Variants in SOCS5 observed in about 807,000 individuals in gnomAD.
SOCS5 encodes CIS-6.
A neutral mutation model predicts 42.8 loss-of-function variants in SOCS5; 32 were observed. That is an observed-to-expected ratio of 0.75 (90% CI 0.56 to 1.01). The LOEUF (loss-of-function observed/expected upper bound fraction) is 1.01, where lower values mean the gene tolerates loss of function less well. Ranked by LOEUF, SOCS5 falls within the 50% of genes least tolerant of loss-of-function variation. The pLI, the probability that SOCS5 is intolerant of heterozygous loss-of-function variation, is 0.00. For missense variants in SOCS5, 627 were observed against 653.0 expected, an observed-to-expected ratio of 0.96 and a Z score of 0.43; for synonymous variants, 283 against 229.6, an observed-to-expected ratio of 1.23 and a Z score of -2.10.
intron 1 of SOCS5, among the ~76,000 whole-genome samples, chr2:46,727,929 G>T (rs1409978205): frequency 6.7e-6 from 1 of 149,610 alleles, no homozygotes; most frequent in African/African-American, 2.5e-5. Flanking sequence ...AGTGGTAGGA[G>T]TACAGAGAGG....
chr2:46,717,068 A>C (rs1165951311), intron 1 of SOCS5, among the ~76,000 whole-genome samples: 1 of 152,190 alleles, frequency 6.6e-6, no homozygotes, highest in Non-Finnish European at 1.5e-5. Context: ...TCATGGAGTT[A>C]CACACCACAT....
intron 1 of SOCS5, among the ~76,000 whole-genome samples, chr2:46,720,944 A>C (rs1217285411): frequency 6.6e-6 from 1 of 152,128 alleles, no homozygotes; most frequent in Non-Finnish European, 1.5e-5. Context: ...TGCTGTCCCG[A>C]GGTGCAGACA....
At position 46,758,795 on chromosome 2, in the gene SOCS5, A is replaced by G; in HGVS notation, c.265A>G (p.Ile89Val). 2 of 1,614,206 alleles carry G rather than the reference A, an allele frequency of 1.2e-6. No homozygotes were observed. The highest frequency in any genetic ancestry group is 1.7e-6 in the Non-Finnish European group (2 of 1,180,018). The change falls in exon 2 of 2, where the codon ATT becomes GTT. Residue 89 changes from isoleucine to valine, a missense_variant. Around this residue, in one of 3 missense-constraint regions of SOCS5, gnomAD observed 278 missense variants for 246.3 expected, o/e 1.13. Coordinates refer to ENST00000394861, the MANE Select transcript of SOCS5 (RefSeq NM_144949.3). ...NQNCATEIPQ[I>V]VEISIEKDND... ...AAATTGTGCCACAGAAATCCCTCAA[A>G]TTGTTGAAATAAGCATCGAAAAGGA...
In SOCS5 at chr2:46,760,378, G is replaced by A. The variant is rs1284409460; in HGVS notation, c.*237G>A. ...ACTACAAAAACATTTTGCCTATTTC[G>A]CTAACAGTTTGGTTTTTAATGGCTG... is the stretch of plus-strand genomic sequence containing the variant. On this transcript the variant is annotated 3_prime_UTR_variant, in exon 2 of 2. Transcript: ENST00000394861. 9.3e-6 allele frequency: 4 copies of A among 429,722 alleles called. No individual in the cohort carries two copies. The highest frequency in any genetic ancestry group is 8.1e-5 in the African/African-American group (4 of 49,430). The allele number at this position is 429,722 out of a possible 1,614,324, so 26.6% of individuals were successfully genotyped here. A position where few individuals can be genotyped will look rare whatever the true frequency, so the allele number is the denominator to read the frequency against.
At chr2:46,726,976 G>A (rs141213365) in intron 1 of SOCS5, among the ~76,000 whole-genome samples, 16 of 151,666 alleles carry the variant, frequency 1.1e-4, no homozygotes, top group Non-Finnish European at 1.8e-4. Context: ...GGCTGGTCTC[G>A]AACTCCCGAT....
rs895002960 is a variant in SOCS5 at position 46,699,936 on chromosome 2, C to T, written c.-13+487C>T. On this transcript the variant is annotated intron_variant, in intron 1 of 1. Coordinates refer to ENST00000394861, the MANE Select transcript of SOCS5 (RefSeq NM_144949.3). This position sits in a 1 kb window ranked among gnomAD's most constrained non-coding sequence, Gnocchi z 4.8. ...TCTTCAAGGTCGAGGAGAAAAGATCCTCTTGGGGATGAGGGAGGGAACCAA... is the reference window on the plus strand; with the variant it reads ...TCTTCAAGGTCGAGGAGAAAAGATCTTCTTGGGGATGAGGGAGGGAACCAA... Among the ~76,000 whole-genome samples, 1 of 152,008 alleles carries T rather than the reference C, an allele frequency of 6.6e-6. No homozygotes were observed. The highest frequency in any genetic ancestry group is 1.5e-5 in the Non-Finnish European group (1 of 68,000).
In SOCS5 at chr2:46,703,999, T is replaced by C. The variant is rs540027497; in HGVS notation, c.-13+4550T>C. Among the ~76,000 whole-genome samples the C allele has an allele frequency of 2.6e-5, 4 of 152,282 alleles. No homozygotes were observed. In the East Asian group the frequency reaches 7.7e-4, roughly 29 times the overall value. On this transcript the variant is annotated intron_variant, in intron 1 of 1. Transcript: ENST00000394861. ...GCCTTTACATGTAGGTGAAAAATTG[T>C]AGGGAATGATTTCAGAGAGACCATA...
chr2:46,738,042 A>G (rs904519740), intron 1 of SOCS5, among the ~76,000 whole-genome samples: 1 of 152,228 alleles, frequency 6.6e-6, no homozygotes, highest in African/African-American at 2.4e-5. Flanking sequence ...TTTTAGAGAA[A>G]TCAACAGGGA....
At chr2:46,699,132 G>C, upstream of SOCS5, 1 of 153,852 alleles carries the variant, frequency 6.5e-6, no homozygotes, top group East Asian at 1.9e-4. The surrounding 1 kb of genome is among the most constrained non-coding windows in gnomAD (Gnocchi z 4.8). Flanking sequence ...CTTCAGAGAG[G>C]CGTGCCCCTG....
intron 1 of SOCS5, among the ~76,000 whole-genome samples, chr2:46,756,935 A>G (rs1040584108): frequency 6.6e-6 from 1 of 152,268 alleles, no homozygotes; most frequent in Non-Finnish European, 1.5e-5. Flanking sequence ...GCCGTGTTCT[A>G]AAATAGACTT....
intron 1 of SOCS5, among the ~76,000 whole-genome samples, chr2:46,740,512 AGCAGAATTTGAAAAATCAAGAG>A (rs1306069105): frequency 6.6e-6 from 1 of 152,236 alleles, no homozygotes; most frequent in Admixed American, 6.5e-5. Flanking sequence ...AAGTATTGGA[AGCAGAATTTGAAAAATCAAGAG>A]AGAGATAGGA....
At position 46,758,838 on chromosome 2, in the gene SOCS5, C is replaced by T. The variant is rs200944874; in HGVS notation, c.308C>T (p.Thr103Ile). The T allele has an allele frequency of 3.7e-5, 60 of 1,613,828 alleles. No homozygotes were observed. Among genetic ancestry groups the T allele is most frequent in the Non-Finnish European group, 4.9e-5 (58 of 1,179,836 alleles). The change falls in exon 2 of 2, where the codon ACC becomes ATC. Residue 103 changes from threonine to isoleucine, a missense_variant. Around this residue, in one of 3 missense-constraint regions of SOCS5, gnomAD observed 278 missense variants for 246.3 expected, o/e 1.13. Coordinates refer to ENST00000394861, the MANE Select transcript of SOCS5 (RefSeq NM_144949.3). The stretch of plus-strand genomic sequence containing the variant: ...GAAAAGGATAATGATTCTTGTGTTA[C>T]CCCAGGAACAAGACTTGCACGAAGA... ...SIEKDNDSCV[T>I]PGTRLARRDS...
intron 1 of SOCS5, among the ~76,000 whole-genome samples, chr2:46,754,176 G>A (rs776102628): frequency 2.0e-5 from 3 of 152,046 alleles, no homozygotes; most frequent in African/African-American, 7.2e-5. Flanking sequence ...TTTCAGAGTA[G>A]GTCTACTAGT....
intron 1 of SOCS5, among the ~76,000 whole-genome samples, chr2:46,726,359 G>A (rs1036722682): frequency 6.6e-5 from 10 of 152,132 alleles, no homozygotes; most frequent in Admixed American, 6.5e-4. Context: ...ACCTCCCAAA[G>A]TGCTGGAATT....
At chr2:46,731,360 C>G (rs1673119866) in intron 1 of SOCS5, among the ~76,000 whole-genome samples, 1 of 152,134 alleles carries the variant, frequency 6.6e-6, no homozygotes, top group Admixed American at 6.5e-5. Context: ...CACCAGACAC[C>G]AAATCTGCCA....
intron 1 of SOCS5, among the ~76,000 whole-genome samples, chr2:46,710,026 G>T (rs1484435374): frequency 1.3e-5 from 2 of 152,072 alleles, no homozygotes; most frequent in Non-Finnish European, 2.9e-5. Context: ...TTAAGGCAAG[G>T]GTTCAAGTGA....
At chr2:46,718,897 T>A (rs1672813942) in intron 1 of SOCS5, among the ~76,000 whole-genome samples, 1 of 152,186 alleles carries the variant, frequency 6.6e-6, no homozygotes, top group South Asian at 2.1e-4. Flanking sequence ...ATATTCAGAA[T>A]CCTTAAAATG....
chr2:46,755,243 C>G (rs542681821), intron 1 of SOCS5, among the ~76,000 whole-genome samples: 73 of 152,138 alleles, frequency 4.8e-4, no homozygotes, highest in African/African-American at 4.6e-4. Flanking sequence ...TCAATGTATT[C>G]TTAAAACATG....
chr2:46,717,344 T>G (rs939288755), intron 1 of SOCS5, among the ~76,000 whole-genome samples: 1 of 152,180 alleles, frequency 6.6e-6, no homozygotes, highest in Non-Finnish European at 1.5e-5. Flanking sequence ...TAGGGGATCA[T>G]GTTTTCATAT....
Sources: gnomAD v4.1 joint callset for allele counts (sites outside exome capture counted in the v4.1 genomes callset) on GRCh38, gnomAD v4.1.1 for gene constraint, gnomAD v4.1.1 regional missense constraint, Gnocchi (gnomAD v3.1) non-coding constraint, MANE v1.5 for transcripts, NCBI Gene and HGNC (gene_info 2026-07-23, HGNC 2026-07-21) for gene names.